The following PCNX2 variants were observed in gnomAD, a reference collection of about 807,000 sequenced individuals.
PCNX2 encodes the protein pecanex-like protein 2.
PCNX2 carries 168 observed loss-of-function variants against 223.8 expected under a neutral mutation model. That is an observed-to-expected ratio of 0.75 (90% CI 0.66 to 0.85). PCNX2 has a LOEUF of 0.85. Among genes scored for constraint, PCNX2 ranks in the 40% least tolerant of loss-of-function variants. PCNX2 has a pLI of 0.00. For synonymous variants in PCNX2, 1,006 were observed against 1,052.6 expected (o/e 0.96, Z 0.86); for missense variants, 2,507 against 2,675.5 (o/e 0.94, Z 1.39).
At chr1:233,127,723 C>T (rs769466943) in intron 21 of PCNX2, among the ~76,000 whole-genome samples, 60 of 152,282 alleles carry the variant, frequency 3.9e-4, no homozygotes, top group Non-Finnish European at 6.9e-4. Context: ...TAAAATGAGG[C>T]ATATCCACCC....
intron 23 of PCNX2, 120 bp downstream of exon 23, chr1:233,089,941 G>C: frequency 1.3e-6 from 2 of 1,518,968 alleles, no homozygotes; most frequent in Non-Finnish European, 8.8e-7. Context: ...AGACAGGTTT[G>C]GCCTGGCCCC....
At chr1:233,032,974 G>C in intron 25 of PCNX2, 3 of 984,466 alleles carry the variant, frequency 3.0e-6, no homozygotes, top group Non-Finnish European at 3.6e-6. Context: ...CACTAATTGC[G>C]TTGTCCAAAT....
chr1:233,101,206 C>T (rs761931355), intron 21 of PCNX2, among the ~76,000 whole-genome samples: 4 of 152,008 alleles, frequency 2.6e-5, no homozygotes, highest in African/African-American at 4.8e-5. Flanking sequence ...TGTTTTGAGG[C>T]ATAGGTGGTG....
intron 1 of PCNX2, among the ~76,000 whole-genome samples, chr1:233,280,215 T>C (rs548084470): frequency 6.6e-6 from 1 of 152,260 alleles, no homozygotes; most frequent in East Asian, 1.9e-4. Flanking sequence ...CTATAACAAA[T>C]AGTGCTTCAG....
chr1:233,072,214 T>G (rs1223958304), intron 23 of PCNX2, among the ~76,000 whole-genome samples: 1 of 152,222 alleles, frequency 6.6e-6, no homozygotes, highest in African/African-American at 2.4e-5. Flanking sequence ...ATGAAATCTT[T>G]GTCTGTTCCT....
chr1:233,181,614 G>T (rs1160150057), intron 15 of PCNX2, among the ~76,000 whole-genome samples: 1 of 152,154 alleles, frequency 6.6e-6, no homozygotes, highest in East Asian at 1.9e-4. Context: ...CATAGACTGG[G>T]TGGCTTATAA....
At chr1:232,984,751 C>A (rs1167504949) in intron 33 of PCNX2, 4 of 359,892 alleles carry the variant, frequency 1.1e-5, no homozygotes, top group Non-Finnish European at 2.0e-5. Flanking sequence ...GGGGAAGGGG[C>A]ATTTGTGCGC....
chr1:233,130,789 C>CA (rs1558263162), intron 21 of PCNX2, among the ~76,000 whole-genome samples: 1,934 of 151,932 alleles, frequency 0.013, 38 homozygotes, highest in African/African-American at 0.043. Context: ...GGCACCCCCC[C>CA]CTTTTTTTTT....
At chr1:233,282,459 T>C (rs897666655) in intron 1 of PCNX2, among the ~76,000 whole-genome samples, 1 of 152,226 alleles carries the variant, frequency 6.6e-6, no homozygotes, top group Non-Finnish European at 1.5e-5. Context: ...CAAACTACTA[T>C]GTGTAAAACT....
intron 14 of PCNX2, among the ~76,000 whole-genome samples, chr1:233,199,758 T>C (rs982402186): frequency 1.3e-5 from 2 of 151,548 alleles, no homozygotes; most frequent in South Asian, 2.1e-4. Flanking sequence ...CTCACCACAT[T>C]GATGCACTCC....
intron 28 of PCNX2, among the ~76,000 whole-genome samples, chr1:233,011,624 C>A (rs986121932): frequency 6.6e-6 from 1 of 152,068 alleles, no homozygotes; most frequent in African/African-American, 2.4e-5. Flanking sequence ...CATGGACAAC[C>A]AATGACGCTC....
At chr1:233,260,960 A>T (rs1660010258) in intron 4 of PCNX2, among the ~76,000 whole-genome samples, 1 of 152,220 alleles carries the variant, frequency 6.6e-6, no homozygotes, top group Admixed American at 6.5e-5. Flanking sequence ...GCTATAATAC[A>T]AATTTTTATA....
Position 233,222,686 on chromosome 1 carries a change from C to T in PCNX2, c.2505-4502G>A, listed in dbSNP as rs1009196839. Among the ~76,000 whole-genome samples the T allele has an allele frequency of 7.2e-5, 11 of 152,074 alleles. No homozygotes were observed. In the East Asian group the frequency reaches 2.1e-3, roughly 29 times the overall value. On this transcript the variant is annotated intron_variant, in intron 10 of 33. Transcript: ENST00000258229. ...CAATAGATACACGTGGAAGGAACAG[C>T]GAAAATAACTTCCTACAAGAGACTG...
intron 25 of PCNX2, among the ~76,000 whole-genome samples, chr1:233,046,244 G>C (rs988368803): frequency 6.6e-6 from 1 of 152,170 alleles, no homozygotes; most frequent in Non-Finnish European, 1.5e-5. Flanking sequence ...ACTGCCTCAG[G>C]TTGGGGTGAA....
intron 10 of PCNX2, among the ~76,000 whole-genome samples, chr1:233,222,823 C>T (rs1237783131): frequency 6.6e-6 from 1 of 152,152 alleles, no homozygotes; most frequent in African/African-American, 2.4e-5. Flanking sequence ...ACAAGTGGAG[C>T]AGGCTTGGGT....
intron 23 of PCNX2, among the ~76,000 whole-genome samples, chr1:233,066,159 T>C (rs1045450902): frequency 6.6e-6 from 1 of 152,186 alleles, no homozygotes; most frequent in African/African-American, 2.4e-5. Flanking sequence ...TTCTCTGCCT[T>C]ACTCAGTCTC....
chr1:232,984,474 G>T lies in PCNX2; in HGVS notation c.6244C>A (p.Leu2082Ile). The change falls in exon 34 of 34, where the codon CTC becomes ATC. Residue 2082 changes from leucine to isoleucine, a missense_variant. By Grantham distance (5) the Leu-to-Ile change is conservative (BLOSUM62 2). Transcript: ENST00000258229. ...ARAASQATRH[L>I]SEPCEPPDAT... ...TCAGGGGGCTCACATGGCTCGGAGA[G>T]GTGCTTCCAAAGAGAAGAGAGAAAC... 2 of 1,611,918 alleles carry T rather than the reference G, an allele frequency of 1.2e-6. No homozygotes were observed. Among genetic ancestry groups the T allele is most frequent in the East Asian group, 2.2e-5 (1 of 44,814 alleles).
chr1:233,076,052 G>A (rs1673084130), intron 23 of PCNX2, among the ~76,000 whole-genome samples: 1 of 152,172 alleles, frequency 6.6e-6, no homozygotes, highest in Admixed American at 6.5e-5. Context: ...AGCCAACTGG[G>A]AAATTGAATA....
At chr1:233,101,407 A>T (rs1401843300) in intron 21 of PCNX2, among the ~76,000 whole-genome samples, 1 of 152,194 alleles carries the variant, frequency 6.6e-6, no homozygotes, top group Admixed American at 6.5e-5. Flanking sequence ...TATGAGATAG[A>T]ATTTTGTAAA....
Sources: allele counts gnomAD v4.1 joint callset (sites outside exome capture counted in the v4.1 genomes callset), GRCh38; gene constraint gnomAD v4.1.1; transcripts MANE v1.5; gene names NCBI Gene and HGNC (gene_info 2026-07-23, HGNC 2026-07-21).